Variants in EGF observed in about 807,000 individuals in gnomAD.
EGF encodes the protein pro-epidermal growth factor.
EGF carries 95 observed loss-of-function variants against 143.8 expected under a neutral mutation model. The ratio of observed to expected loss-of-function variants is 0.66; its 90% CI spans 0.56 to 0.78. The LOEUF is 0.78. EGF is among the 30% of genes least tolerant of loss of function. The pLI is 0.00. For missense variants in EGF, 1,320 were observed against 1,470.9 expected, an observed-to-expected ratio of 0.90 and a Z score of 1.68; for synonymous variants, 510 against 510.5, an observed-to-expected ratio of 1.00 and a Z score of 0.01.
At position 109,983,421 on chromosome 4, in the gene EGF, G is replaced by A. The variant is rs140133196; in HGVS notation, c.2372-1G>A. ...TAATTGCATCTATTGACCTTCAATA[G>A]GTGGTGAAGTTGATCTAAAGAACCA... is the stretch of plus-strand genomic sequence containing the variant. On this transcript the variant is annotated splice_acceptor_variant, in intron 15 of 23. Transcript: ENST00000265171. LOFTEE classifies it high-confidence loss of function. The A allele has an allele frequency of 6.2e-7, 1 of 1,613,286 alleles. No homozygotes were observed. The highest frequency in any genetic ancestry group is 1.7e-5 in the Admixed American group (1 of 59,942).
chr4:109,982,244 A>T (rs191332323), intron 15 of EGF, among the ~76,000 whole-genome samples: 70 of 152,042 alleles, frequency 4.6e-4, no homozygotes, highest in African/African-American at 1.6e-3. Flanking sequence ...TCTGGCCTCA[A>T]GTGGTCTTCC....
chr4:109,923,435 T>C (rs1221583491), intron 1 of EGF, among the ~76,000 whole-genome samples: 3 of 151,564 alleles, frequency 2.0e-5, no homozygotes, highest in Non-Finnish European at 4.4e-5. Flanking sequence ...AGAAGATAAT[T>C]GTATTCAGTA....
At chr4:109,923,054 A>T (rs1738061617) in intron 1 of EGF, among the ~76,000 whole-genome samples, 1 of 151,674 alleles carries the variant, frequency 6.6e-6, no homozygotes, top group Admixed American at 6.5e-5. Flanking sequence ...TGTGATTTTT[A>T]AAAATTATCC....
intron 1 of EGF, among the ~76,000 whole-genome samples, chr4:109,926,417 C>T (rs1199220488): frequency 6.7e-6 from 1 of 150,078 alleles, no homozygotes; most frequent in Non-Finnish European, 1.5e-5. Context: ...TGCAGTGGCG[C>T]GATCTCGTCT....
intron 11 of EGF, 96 bp downstream of exon 11, chr4:109,969,215 G>A: frequency 1.5e-5 from 23 of 1,550,294 alleles, no homozygotes; most frequent in Non-Finnish European, 1.8e-5. Context: ...ACAGAAAAAT[G>A]TTGCTGGGCA....
intron 15 of EGF, 89 bp from the exon 16 acceptor site, chr4:109,983,333 C>G (rs926859202): frequency 6.8e-7 from 1 of 1,460,626 alleles, no homozygotes. Flanking sequence ...GAACTCACAA[C>G]CAATGAATAG....
At chr4:109,940,325 T>G (rs1428035855) in intron 1 of EGF, among the ~76,000 whole-genome samples, 2 of 152,190 alleles carry the variant, frequency 1.3e-5, no homozygotes, top group African/African-American at 4.8e-5. Context: ...TTAGTGTATG[T>G]CCCATGCAAT....
chr4:109,942,897 T>C (rs11568895), intron 2 of EGF, among the ~76,000 whole-genome samples: 18,930 of 152,246 alleles, frequency 0.12, 1,686 homozygotes, highest in African/African-American at 0.24. Flanking sequence ...AAATTTCCAT[T>C]AGCAAATGGA....
intron 21 of EGF, chr4:110,004,264 A>C (rs1440036626): frequency 1.9e-6 from 1 of 535,806 alleles, no homozygotes; most frequent in Non-Finnish European, 3.4e-6. Flanking sequence ...ACACACACAC[A>C]CCCTCTACCT....
At chr4:109,975,652 C>G (rs1748379559) in intron 12 of EGF, among the ~76,000 whole-genome samples, 1 of 152,160 alleles carries the variant, frequency 6.6e-6, no homozygotes, top group Non-Finnish European at 1.5e-5. Flanking sequence ...AACAGGCGAG[C>G]AAGATTTCAT....
At chr4:109,979,198 C>G (rs1312309301) in intron 13 of EGF, among the ~76,000 whole-genome samples, 1 of 152,048 alleles carries the variant, frequency 6.6e-6, no homozygotes, top group Non-Finnish European at 1.5e-5. Flanking sequence ...TAATAAATGA[C>G]TCTTTCAAAA....
At chr4:109,997,021 C>T (rs987264264) in intron 20 of EGF, among the ~76,000 whole-genome samples, 1 of 151,676 alleles carries the variant, frequency 6.6e-6, no homozygotes, top group Non-Finnish European at 1.5e-5. Flanking sequence ...TTCAGGAGAC[C>T]ATCGTCTTAT....
chr4:110,004,442 C>T, intron 21 of EGF, 63 bp from the exon 22 acceptor site: 7 of 1,413,168 alleles, frequency 5.0e-6, no homozygotes, highest in Non-Finnish European at 7.0e-6. Context: ...CCCTGATCAT[C>T]ACTGAGTGGG....
chr4:109,961,931 T>C lies in EGF; in HGVS notation c.1258T>C (p.Leu420=), dbSNP rs368476089. 221 of 1,613,968 alleles carry C rather than the reference T, an allele frequency of 1.4e-4. 2 individuals carry two copies. In the South Asian group the frequency reaches 2.3e-3, roughly 17 times the overall value. ...CTGTGTTCTGACATCAGAAGGTCCC[T>C]TATGTTTCTGTCCTGAAGGCTCAGT... ...HDCVLTSEGP[L]CFCPEGSVLE... is the part of the protein sequence containing the mutation. The change falls in exon 8 of 24, where the codon TTA becomes CTA. Residue 420 remains leucine, a synonymous_variant. Coordinates refer to ENST00000265171, the MANE Select transcript of EGF (RefSeq NM_001963.6).
intron 11 of EGF, 117 bp from the exon 12 acceptor site, chr4:109,974,584 CAG>C: frequency 1.3e-6 from 1 of 747,760 alleles, no homozygotes; most frequent in Non-Finnish European, 2.3e-6. Flanking sequence ...GAGAGAGAAA[CAG>C]AAATAGGAGC....
Position 109,944,087 on chromosome 4 carries a change from T to C in EGF, c.737+18T>C. ...CCAACACAGTAAGTTTTACTCTTGGTATAAAATAAAACAATTGTCATTTGA... is the reference window on the plus strand; with the variant it reads ...CCAACACAGTAAGTTTTACTCTTGGCATAAAATAAAACAATTGTCATTTGA... On this transcript the variant is annotated intron_variant, in intron 4 of 23. Transcript: ENST00000265171. The C allele has an allele frequency of 6.2e-7, 1 of 1,608,422 alleles. No individual in the cohort carries two copies. The highest frequency in any genetic ancestry group is 8.5e-7 in the Non-Finnish European group (1 of 1,175,508).
rs199649148 is a variant in EGF at position 110,008,136 on chromosome 4, T to A, written c.3292-16T>A. ...TTTTAACAATATCCTCTCTCCCTCC[T>A]TTTTGTTGTCTGCAGTTTGTGGTTA... On this transcript the variant is annotated splice_polypyrimidine_tract_variant and intron_variant, in intron 22 of 23. Transcript: ENST00000265171. 737 of 1,610,856 alleles carry A rather than the reference T, an allele frequency of 4.6e-4. 6 individuals carry two copies. The South Asian group carries it at 7.5e-3, about 16-fold the overall frequency.
At chr4:109,934,424 T>C (rs539640628) in intron 1 of EGF, among the ~76,000 whole-genome samples, 2 of 152,236 alleles carry the variant, frequency 1.3e-5, no homozygotes, top group Non-Finnish European at 2.9e-5. Flanking sequence ...TTTTTTCTTG[T>C]AAATTTGTTT....
At chr4:109,990,201 A>G (rs979266118) in intron 18 of EGF, among the ~76,000 whole-genome samples, 14 of 152,310 alleles carry the variant, frequency 9.2e-5, no homozygotes, top group African/African-American at 2.6e-4. Context: ...CCTATTAAGA[A>G]TAAGGCCACA....
Sources: allele counts gnomAD v4.1 joint callset (sites outside exome capture counted in the v4.1 genomes callset), GRCh38; gene constraint gnomAD v4.1.1; transcripts MANE v1.5; gene names NCBI Gene and HGNC (gene_info 2026-07-23, HGNC 2026-07-21).